The following FAM227A variants were observed in gnomAD, a reference collection of about 807,000 sequenced individuals.
FAM227A encodes the protein protein FAM227A.
Under a neutral mutation model 74.7 loss-of-function variants are expected in FAM227A, and 80 were observed. The observed-to-expected ratio is 1.07, with a 90% CI of 0.89 to 1.29. FAM227A has a LOEUF of 1.29. Among genes scored for constraint, FAM227A ranks in the 50% most tolerant of loss-of-function variants. The pLI is 0.00. For missense variants in FAM227A, 654 were observed against 683.4 expected (o/e 0.96, Z 0.48); for synonymous variants, 237 against 241.8 (o/e 0.98, Z 0.19).
chr22:38,599,866 C>T lies in FAM227A; in HGVS notation c.1277G>A (p.Gly426Glu). The T allele has an allele frequency of 1.3e-6, 2 of 1,551,396 alleles. No individual in the cohort carries two copies. Among genetic ancestry groups the T allele is most frequent in the Non-Finnish European group, 1.7e-6 (2 of 1,146,856 alleles). Reference sequence around the variant, plus strand: ...AAAGTACACAATCAGAGGGCTCTTCCCATAAATGTTGAAGAGGTTTGAAGT... The same window carrying T: ...AAAGTACACAATCAGAGGGCTCTTCTCATAAATGTTGAAGAGGTTTGAAGT... ...ELTSNLFNIY[G>E]KSPLIVYFLQ... The change falls in exon 14 of 17, where the codon GGG becomes GAG. Residue 426 changes from glycine (G) to glutamate (E), a missense_variant. By Grantham distance (98) the Gly-to-Glu change is moderately conservative. Transcript: ENST00000535113.
At chr22:38,621,920 C>T (rs1258305599) in intron 10 of FAM227A, among the ~76,000 whole-genome samples, 2 of 152,068 alleles carry the variant, frequency 1.3e-5, no homozygotes, top group African/African-American at 4.8e-5. Context: ...CCTCTGAATC[C>T]CCCCCACTGC....
chr22:38,628,990 T>C (rs2091864715), intron 6 of FAM227A, 55 bp from the exon 7 acceptor site: 1 of 1,089,122 alleles, frequency 9.2e-7, no homozygotes, highest in East Asian at 2.6e-5. Flanking sequence ...TAAAAATCCA[T>C]CTGGAGTCAA....
chr22:38,623,734 T>C (rs371999934), intron 9 of FAM227A, among the ~76,000 whole-genome samples: 6 of 152,332 alleles, frequency 3.9e-5, no homozygotes, highest in East Asian at 1.9e-4. Flanking sequence ...GGCTATACCA[T>C]GAGTTCCCTG....
chr22:38,632,431 C>T (rs140921013), intron 6 of FAM227A, among the ~76,000 whole-genome samples: 1 of 152,270 alleles, frequency 6.6e-6, no homozygotes, highest in East Asian at 1.9e-4. Flanking sequence ...CTTTCGCCCC[C>T]TCTCTTCCAT....
At chr22:38,626,401 T>TTTGTTG in intron 8 of FAM227A, 98 bp from the exon 9 acceptor site, 1 of 1,387,544 alleles carries the variant, frequency 7.2e-7, no homozygotes, top group East Asian at 2.6e-5. Context: ...ATATATAGTT[T>TTTGTTG]TTGTTGTTGT....
At chr22:38,613,001 C>CT (rs1569206235) in intron 11 of FAM227A, among the ~76,000 whole-genome samples, 1 of 136,562 alleles carries the variant, frequency 7.3e-6, no homozygotes, top group Non-Finnish European at 1.5e-5. Flanking sequence ...CTTTCACTGT[C>CT]TTTTTTTGGC....
intron 16 of FAM227A, among the ~76,000 whole-genome samples, chr22:38,588,087 C>T (rs889483803): frequency 6.6e-6 from 1 of 152,078 alleles, no homozygotes; most frequent in African/African-American, 2.4e-5. Flanking sequence ...TATGATAAAC[C>T]CACAGATAAC....
At chr22:38,619,868 T>C (rs1464865984) in intron 11 of FAM227A, among the ~76,000 whole-genome samples, 2 of 152,084 alleles carry the variant, frequency 1.3e-5, no homozygotes, top group Non-Finnish European at 2.9e-5. Flanking sequence ...AGAAAGTACG[T>C]ATCAGGGATG....
At chr22:38,602,409 C>T (rs1163979175) in intron 13 of FAM227A, among the ~76,000 whole-genome samples, 1 of 152,148 alleles carries the variant, frequency 6.6e-6, no homozygotes, top group Non-Finnish European at 1.5e-5. Context: ...CAAGATACCA[C>T]TGGAATCACA....
At chr22:38,588,615 TAAA>T (rs757871619) in intron 16 of FAM227A, among the ~76,000 whole-genome samples, 2 of 47,834 alleles carry the variant, frequency 4.2e-5, no homozygotes, top group South Asian at 6.5e-4. Context: ...TGACTCTGTC[TAAA>T]AAAAAAAAAA....
chr22:38,617,763 C>A (rs146053117), intron 11 of FAM227A, among the ~76,000 whole-genome samples: 1 of 152,078 alleles, frequency 6.6e-6, no homozygotes, highest in African/African-American at 2.4e-5. Flanking sequence ...CTTCAGGAGG[C>A]TAAAGTAGGA....
intron 9 of FAM227A, among the ~76,000 whole-genome samples, chr22:38,625,552 G>A (rs1602997056): frequency 6.6e-6 from 1 of 152,208 alleles, no homozygotes; most frequent in East Asian, 1.9e-4. Flanking sequence ...CCTGGGTGCA[G>A]CAGCCCACAG....
rs1484900330 is a variant in FAM227A, at chr22:38,626,192, G to C, written c.838C>G (p.Leu280Val). The C allele has an allele frequency of 6.4e-7, 1 of 1,551,346 alleles. No individual in the cohort carries two copies. Among genetic ancestry groups the C allele is most frequent in the Non-Finnish European group, 8.7e-7 (1 of 1,146,930 alleles). Reference protein sequence around the residue: ...FKSDICNTMSLWISGTYPSPQ... With the variant: ...FKSDICNTMSVWISGTYPSPQ... ...AGTCACCTCTCACCTGAAATCCACA[G>C]GCTCATTGTGTTACAGATGTCAGAC... is the stretch of plus-strand genomic sequence containing the variant. Residue 280 changes from leucine to valine, a missense_variant, in exon 9 of 17, where the codon CTG (leucine) becomes GTG (valine). Leu to Val is a conservative substitution (Grantham distance 32). Coordinates refer to ENST00000535113, the MANE Select transcript of FAM227A (RefSeq NM_001013647.2).
intron 14 of FAM227A, 107 bp from the exon 15 acceptor site, chr22:38,597,463 C>A: frequency 3.8e-6 from 4 of 1,063,818 alleles, no homozygotes; most frequent in East Asian, 2.6e-5. Flanking sequence ...GAGGACAGAA[C>A]AGGGAAAATG....
intron 16 of FAM227A, among the ~76,000 whole-genome samples, chr22:38,587,808 A>G (rs1270149940): frequency 1.3e-5 from 2 of 152,268 alleles, no homozygotes; most frequent in Non-Finnish European, 2.9e-5. Context: ...CTTCCTTAAG[A>G]ATACAAATGC....
At chr22:38,643,117 C>T (rs1454918632) in intron 3 of FAM227A, among the ~76,000 whole-genome samples, 3 of 151,854 alleles carry the variant, frequency 2.0e-5, no homozygotes, top group Non-Finnish European at 4.4e-5. Context: ...GAGGTCGAGA[C>T]CAGCCTAGCC....
At chr22:38,644,399 T>TCATTTG (rs2092186527) in intron 3 of FAM227A, among the ~76,000 whole-genome samples, 3 of 149,044 alleles carry the variant, frequency 2.0e-5, no homozygotes, top group African/African-American at 7.4e-5. Flanking sequence ...ATACATGTCA[T>TCATTTG]TAAAGAGGTG....
intron 13 of FAM227A, among the ~76,000 whole-genome samples, chr22:38,601,390 C>A (rs2091174652): frequency 1.3e-5 from 2 of 151,176 alleles, no homozygotes. Context: ...ACAGATCCAG[C>A]CACTGATATG....
Position 38,646,259 on chromosome 22 carries a change from T to TC in FAM227A, c.143-615_143-614insG, listed in dbSNP as rs1477923402. Among the ~76,000 whole-genome samples, 8 of 115,810 alleles carry TC rather than the reference T, an allele frequency of 6.9e-5. No individual in the cohort carries two copies. In the South Asian group the frequency reaches 2.1e-3, roughly 31 times the overall value. The allele number at this position is 115,810 out of a possible 152,430, so 76.0% of individuals were successfully genotyped here. A position where few individuals can be genotyped will look rare whatever the true frequency, so the allele number is the denominator to read the frequency against. On this transcript the variant is annotated intron_variant, in intron 2 of 16. Transcript: ENST00000535113. ...TCCTTCCAGTATTTCTTTTTTTTTT[T>TC]TTTTTTTTTTTTTTTTTTGAGACGG...
Sources: allele counts gnomAD v4.1 joint callset (sites outside exome capture counted in the v4.1 genomes callset), GRCh38; gene constraint gnomAD v4.1.1; transcripts MANE v1.5; gene names NCBI Gene and HGNC (gene_info 2026-07-23, HGNC 2026-07-21).